The following TMC1 variants were observed in gnomAD, a reference collection of about 807,000 sequenced individuals.
TMC1 encodes transmembrane channel like 1.
TMC1 carries 84 observed loss-of-function variants against 105.8 expected under a neutral mutation model. That is an observed-to-expected ratio of 0.79 (90% CI 0.67 to 0.95). The LOEUF is 0.95. Among genes scored for constraint, TMC1 ranks in the 40% least tolerant of loss-of-function variants. The probability of loss-of-function intolerance (pLI) is 0.00; values close to 1 mark genes in which losing one functional copy is unlikely to be tolerated. For missense variants in TMC1, 817 were observed against 914.1 expected (o/e 0.89, Z 1.37); for synonymous variants, 315 against 311.5 (o/e 1.01, Z -0.12).
chr9:72,695,426 A>G (rs1338319372), intron 7 of TMC1, among the ~76,000 whole-genome samples: 1 of 152,222 alleles, frequency 6.6e-6, no homozygotes, highest in African/African-American at 2.4e-5. Flanking sequence ...TGCAGATAGC[A>G]GGCAGGTAGG....
chr9:72,674,142 A>G (rs571360377), intron 5 of TMC1, among the ~76,000 whole-genome samples: 41 of 152,362 alleles, frequency 2.7e-4, no homozygotes, highest in African/African-American at 9.4e-4. Flanking sequence ...TAAAGAGGGC[A>G]GAAATAAATG....
intron 17 of TMC1, 169 bp from the exon 18 acceptor site, chr9:72,805,213 C>A: frequency 1.9e-6 from 1 of 535,206 alleles, no homozygotes; most frequent in South Asian, 3.1e-5. Flanking sequence ...GTAATAAAGT[C>A]AGGGTGAAAT....
At chr9:72,577,798 T>A (rs1226633611) in intron 1 of TMC1, 104 bp from the exon 2 acceptor site, 2 of 152,092 alleles carry the variant, frequency 1.3e-5, no homozygotes, top group African/African-American at 4.8e-5. Context: ...GAGTTATGGG[T>A]CTTCACGCAG....
At chr9:72,787,795 G>A (rs1176107867) in intron 13 of TMC1, among the ~76,000 whole-genome samples, 1 of 152,096 alleles carries the variant, frequency 6.6e-6, no homozygotes. Context: ...TTGTAGAGTA[G>A]ATGGAAATTT....
chr9:72,821,322 C>T (rs988462656), intron 20 of TMC1, among the ~76,000 whole-genome samples: 12 of 151,746 alleles, frequency 7.9e-5, no homozygotes, highest in African/African-American at 2.7e-4. Flanking sequence ...GGTGAAACCT[C>T]GTCTCTACTA....
intron 1 of TMC1, among the ~76,000 whole-genome samples, chr9:72,570,010 A>G (rs1824244347): frequency 6.6e-6 from 1 of 152,022 alleles, no homozygotes; most frequent in Non-Finnish European, 1.5e-5. Context: ...GGTAGAATTG[A>G]TGGCAACATT....
intron 12 of TMC1, among the ~76,000 whole-genome samples, chr9:72,766,616 A>G (rs924186927): frequency 1.3e-5 from 2 of 152,062 alleles, no homozygotes; most frequent in East Asian, 3.9e-4. Context: ...AGGCAGGGGG[A>G]CAAGAGTACC....
intron 2 of TMC1, among the ~76,000 whole-genome samples, chr9:72,607,626 A>G (rs915472964): frequency 6.7e-6 from 1 of 149,180 alleles, no homozygotes; most frequent in African/African-American, 2.5e-5. Context: ...AAAAAAAAAA[A>G]AAAAAAAAGA....
intron 2 of TMC1, among the ~76,000 whole-genome samples, chr9:72,592,616 A>G (rs1159751125): frequency 6.6e-6 from 1 of 152,158 alleles, no homozygotes; most frequent in African/African-American, 2.4e-5. Flanking sequence ...TTTCCTTCTG[A>G]AGCACAAATC....
At chr9:72,555,167 T>C (rs1823909200) in intron 1 of TMC1, among the ~76,000 whole-genome samples, 1 of 150,052 alleles carries the variant, frequency 6.7e-6, no homozygotes, top group Admixed American at 6.7e-5. Flanking sequence ...CCAAAGCACC[T>C]GACCTGAATT....
At chr9:72,749,405 C>G (rs1399251820) in intron 10 of TMC1, among the ~76,000 whole-genome samples, 1 of 152,156 alleles carries the variant, frequency 6.6e-6, no homozygotes, top group African/African-American at 2.4e-5. Flanking sequence ...ACTGTAAGTC[C>G]ACTGCCTTCA....
chr9:72,681,499 AAT>A, intron 5 of TMC1, among the ~76,000 whole-genome samples: 1 of 152,116 alleles, frequency 6.6e-6, no homozygotes, highest in South Asian at 2.1e-4. Context: ...GTTTCTCACA[AAT>A]ACTCCAGCAT....
intron 23 of TMC1, among the ~76,000 whole-genome samples, chr9:72,831,243 A>T (rs1215630390): frequency 6.6e-6 from 1 of 152,190 alleles, no homozygotes; most frequent in African/African-American, 2.4e-5. Flanking sequence ...GATACCTAAG[A>T]CCTTTAGTGA....
intron 1 of TMC1, among the ~76,000 whole-genome samples, chr9:72,537,557 A>G (rs946137043): frequency 2.6e-5 from 4 of 152,324 alleles, no homozygotes; most frequent in South Asian, 4.1e-4. Context: ...ACAGGTCTCA[A>G]TCAATGTAAG....
intron 12 of TMC1, among the ~76,000 whole-genome samples, chr9:72,755,353 A>G (rs189723538): frequency 2.0e-5 from 3 of 152,322 alleles, no homozygotes; most frequent in Admixed American, 6.5e-5. Context: ...TACACTTCCT[A>G]TTAACCTCTT....
intron 3 of TMC1, among the ~76,000 whole-genome samples, chr9:72,617,908 G>GGTGTGTGTGTGT (rs58657161): frequency 1.5e-4 from 22 of 144,416 alleles, no homozygotes; most frequent in African/African-American, 4.9e-4. Flanking sequence ...GTCTATGTGT[G>GGTGTGTGTGTGT]GTGTGTGTGT....
chr9:72,836,010 C>T lies in TMC1; in HGVS notation c.*37C>T, dbSNP rs1187758358. ...AGAGCCCAGAAAAGGTACACTTTGC[C>T]TTGCTGTTTAAAAGTAATGCAATAT... On this transcript the variant is annotated 3_prime_UTR_variant, in exon 24 of 24. Transcript: ENST00000297784. 6.2e-7 allele frequency: 1 copy of T among 1,603,918 alleles called. No individual in the cohort carries two copies. Among genetic ancestry groups the T allele is most frequent in the Non-Finnish European group, 8.5e-7 (1 of 1,176,222 alleles).
At chr9:72,725,561 G>A (rs2793165) in intron 8 of TMC1, among the ~76,000 whole-genome samples, 34,463 of 150,922 alleles carry the variant, frequency 0.23, 4,277 homozygotes, top group East Asian at 0.39. Flanking sequence ...AGATGTTGTC[G>A]GGGAGGCTAG....
chr9:72,735,172 A>G (rs534940828), intron 8 of TMC1, among the ~76,000 whole-genome samples: 90 of 152,328 alleles, frequency 5.9e-4, no homozygotes, highest in Non-Finnish European at 1.0e-3. Flanking sequence ...AGAGCTGTGC[A>G]TATTGTAGCA....
Sources: gnomAD v4.1 joint callset for allele counts (sites outside exome capture counted in the v4.1 genomes callset) on GRCh38, gnomAD v4.1.1 for gene constraint, MANE v1.5 for transcripts, NCBI Gene and HGNC (gene_info 2026-07-23, HGNC 2026-07-21) for gene names.